ZNF469: variants seen among roughly 807,000 people sequenced by gnomAD.
The protein encoded by ZNF469 is zinc finger protein 469.
ZNF469 carries 1 observed loss-of-function variant against 1.0 expected under a neutral mutation model. That is an observed-to-expected ratio of 1.00 (90% CI 0.35 to 4.73). The LOEUF is 4.73. Ranked by LOEUF, ZNF469 falls within the 30% of genes most tolerant of loss-of-function variation. The pLI is 0.16. For synonymous variants in ZNF469, 2,703 were observed against 2,363.4 expected (o/e 1.14, Z -4.17); for missense variants, 6,100 against 5,356.3 (o/e 1.14, Z -4.33).
the ZNF469 span, among the ~76,000 whole-genome samples, chr16:88,254,560 G>C: frequency 2.0e-5 from 3 of 152,110 alleles, no homozygotes; most frequent in Non-Finnish European, 2.9e-5. Context: ...GAGTTCAAGA[G>C]TAGCCTGGCC....
the ZNF469 span, among the ~76,000 whole-genome samples, chr16:88,174,010 A>G: frequency 6.6e-6 from 1 of 152,232 alleles, no homozygotes; most frequent in Non-Finnish European, 1.5e-5. Context: ...CAATAATTAC[A>G]TTAAATGTAA....
chr16:88,299,534 T>A, the ZNF469 span, among the ~76,000 whole-genome samples: 1 of 152,260 alleles, frequency 6.6e-6, no homozygotes, highest in East Asian at 1.9e-4. Flanking sequence ...CAAGGGCTCA[T>A]CTTGAGGCAT....
At chr16:88,182,411 T>G in the ZNF469 span, among the ~76,000 whole-genome samples, 1 of 152,256 alleles carries the variant, frequency 6.6e-6, no homozygotes, top group East Asian at 1.9e-4. Context: ...AAAAGGCACT[T>G]AAATAACTCA....
At chr16:88,229,987 G>A in the ZNF469 span, among the ~76,000 whole-genome samples, 4 of 152,200 alleles carry the variant, frequency 2.6e-5, no homozygotes, top group Non-Finnish European at 4.4e-5. Flanking sequence ...CAGGGCAGCA[G>A]CCTACTTTCT....
At chr16:88,320,005 G>A in the ZNF469 span, among the ~76,000 whole-genome samples, 1 of 152,376 alleles carries the variant, frequency 6.6e-6, no homozygotes, top group African/African-American at 2.4e-5. Context: ...TCGCCACACA[G>A]GCCATGATAA....
At chr16:88,321,615 A>C in the ZNF469 span, among the ~76,000 whole-genome samples, 1 of 151,854 alleles carries the variant, frequency 6.6e-6, no homozygotes, top group East Asian at 1.9e-4. Flanking sequence ...GTGGCCTCAG[A>C]TTCTGCATGT....
At chr16:88,114,737 G>A in the ZNF469 span, among the ~76,000 whole-genome samples, 9 of 152,182 alleles carry the variant, frequency 5.9e-5, no homozygotes, top group Non-Finnish European at 1.2e-4. Context: ...GCGGTGAGTC[G>A]GCTTGCTGGG....
At chr16:88,147,179 C>T in the ZNF469 span, among the ~76,000 whole-genome samples, 1 of 152,026 alleles carries the variant, frequency 6.6e-6, no homozygotes, top group Non-Finnish European at 1.5e-5. Flanking sequence ...CTGGAGCTGC[C>T]ACGCAGCTGG....
At chr16:88,120,985 G>T in the ZNF469 span, among the ~76,000 whole-genome samples, 12 of 152,062 alleles carry the variant, frequency 7.9e-5, no homozygotes, top group Admixed American at 2.0e-4. Flanking sequence ...CTCACCATAG[G>T]TGTGGGGTGT....
chr16:88,156,824 C>G, the ZNF469 span, among the ~76,000 whole-genome samples: 3 of 152,068 alleles, frequency 2.0e-5, no homozygotes, highest in African/African-American at 7.2e-5. Context: ...CTTCACCACT[C>G]CCAGCCCTGT....
intron 1 of ZNF469, among the ~76,000 whole-genome samples, chr16:88,411,845 G>A (rs903745182): frequency 6.6e-6 from 1 of 152,132 alleles, no homozygotes; most frequent in African/African-American, 2.4e-5. Flanking sequence ...AGCTGAACAG[G>A]CCCACACCTG....
the ZNF469 span, among the ~76,000 whole-genome samples, chr16:88,167,132 G>A: frequency 6.8e-6 from 1 of 147,070 alleles, no homozygotes. Flanking sequence ...TGTGATCTTG[G>A]CTCACTGTAA....
At chr16:88,284,590 G>A in the ZNF469 span, among the ~76,000 whole-genome samples, 52 of 128,962 alleles carry the variant, frequency 4.0e-4, 2 homozygotes, top group African/African-American at 1.4e-3. Flanking sequence ...CAGCCTGGGC[G>A]ACAGAGGGAG....
the ZNF469 span, among the ~76,000 whole-genome samples, chr16:88,304,104 T>A: frequency 6.6e-6 from 1 of 152,158 alleles, no homozygotes; most frequent in Non-Finnish European, 1.5e-5. Flanking sequence ...GGAGGAGGAC[T>A]TGCTGGCCTT....
At chr16:88,275,181 GGCAGCT>G in the ZNF469 span, among the ~76,000 whole-genome samples, 1 of 152,168 alleles carries the variant, frequency 6.6e-6, no homozygotes, top group Non-Finnish European at 1.5e-5. Flanking sequence ...GGCCTCTGCA[GGCAGCT>G]GCTTTTTTAT....
At chr16:88,315,934 G>T in the ZNF469 span, among the ~76,000 whole-genome samples, 2 of 152,168 alleles carry the variant, frequency 1.3e-5, no homozygotes, top group African/African-American at 4.8e-5. Flanking sequence ...CGTTCCAGAG[G>T]AAACCTGGAA....
the ZNF469 span, among the ~76,000 whole-genome samples, chr16:88,168,881 A>G: frequency 6.6e-6 from 1 of 152,138 alleles, no homozygotes. This position sits in a 1 kb window ranked among gnomAD's most constrained non-coding sequence, Gnocchi z 4.3. Flanking sequence ...GGATCGCTTG[A>G]GCCTAGGAGT....
At chr16:88,268,416 C>G in the ZNF469 span, among the ~76,000 whole-genome samples, 1 of 152,216 alleles carries the variant, frequency 6.6e-6, no homozygotes, top group Non-Finnish European at 1.5e-5. Context: ...CCGTGTGACA[C>G]TCCATCCCCA....
the ZNF469 span, among the ~76,000 whole-genome samples, chr16:88,329,767 A>G: frequency 1.3e-5 from 2 of 152,232 alleles, no homozygotes; most frequent in African/African-American, 4.8e-5. Flanking sequence ...TGCTGAAAAC[A>G]TGGGGTTGGG....
Sources: allele counts gnomAD v4.1 joint callset (sites outside exome capture counted in the v4.1 genomes callset), GRCh38; gene constraint gnomAD v4.1.1; non-coding constraint Gnocchi (gnomAD v3.1); transcripts MANE v1.5; gene names NCBI Gene and HGNC (gene_info 2026-07-23, HGNC 2026-07-21).